Variants in CTNND2 observed in about 807,000 individuals in gnomAD.
CTNND2 encodes catenin delta 2, also known as catenin delta-2.
In CTNND2, 22 loss-of-function variants were observed where a neutral mutation model predicts 144.4. That is an observed-to-expected ratio of 0.15 (90% CI 0.11 to 0.22). The LOEUF is 0.22. Among genes scored for constraint, CTNND2 ranks in the 10% least tolerant of loss-of-function variants. The pLI, the probability that CTNND2 is intolerant of heterozygous loss-of-function variation, is 1.00. For missense variants in CTNND2, 1,353 were observed against 1,618.8 expected, an observed-to-expected ratio of 0.84 and a Z score of 2.82; for synonymous variants, 751 against 695.6, an observed-to-expected ratio of 1.08 and a Z score of -1.25.
At position 11,525,242 on chromosome 5, in the gene CTNND2, T is replaced by C. The variant is rs199808016; in HGVS notation, c.287+39702A>G. ...CATCCTTAGCCCAACTCACAGCACT[T>C]AGAGCACAATGTGCTGAATTTTTAA... On this transcript the variant is annotated intron_variant, in intron 3 of 21. Transcript: ENST00000304623. 2.1e-4 allele frequency among the ~76,000 whole-genome samples: 32 copies of C among 152,254 alleles called. No individual in the cohort carries two copies. The East Asian group carries it at 6.0e-3, about 29-fold the overall frequency.
intron 15 of CTNND2, among the ~76,000 whole-genome samples, chr5:11,095,397 A>G (rs1751231618): frequency 6.6e-6 from 1 of 152,232 alleles, no homozygotes; most frequent in Admixed American, 6.5e-5. Context: ...AAGAATCAAA[A>G]TATCATAAAA....
At chr5:11,314,636 G>A (rs1019086832) in intron 9 of CTNND2, among the ~76,000 whole-genome samples, 1 of 152,180 alleles carries the variant, frequency 6.6e-6, no homozygotes, top group African/African-American at 2.4e-5. Context: ...AAGATTGCTG[G>A]GATTACTGGC....
At position 11,312,174 on chromosome 5, in the gene CTNND2, C is replaced by T. The variant is rs115799590; in HGVS notation, c.1628+34198G>A. 2.5e-3 allele frequency among the ~76,000 whole-genome samples: 365 copies of T among 147,262 alleles called. 7 individuals are homozygous for T. The highest frequency in any genetic ancestry group is 8.0e-3 in the African/African-American group (319 of 39,710). ...ACACACACTCCCCATACACCGTCAT[C>T]CCCCACACTCCCCATACTCACCCCA... On this transcript the variant is annotated intron_variant, in intron 9 of 21. Transcript: ENST00000304623.
chr5:11,108,472 A>G lies in CTNND2; in HGVS notation c.2463+2386T>C, dbSNP rs61754610. On this transcript the variant is annotated intron_variant, in intron 14 of 21. Transcript: ENST00000304623. ...TAACAAAGAGGTGAAAAAGAGCAAAAATATTTACTGTTAAATTGACTACAG... is the reference window on the plus strand; with the variant it reads ...TAACAAAGAGGTGAAAAAGAGCAAAGATATTTACTGTTAAATTGACTACAG... 2.4e-3 allele frequency among the ~76,000 whole-genome samples: 358 copies of G among 152,316 alleles called. 1 individual carries two copies. Among genetic ancestry groups the G allele is most frequent in the South Asian group, 3.5e-3 (17 of 4,814 alleles).
intron 9 of CTNND2, among the ~76,000 whole-genome samples, chr5:11,308,457 A>AAC (rs397972404): frequency 2.0e-5 from 3 of 150,996 alleles, no homozygotes; most frequent in African/African-American, 7.4e-5. Context: ...TACAAAAAAA[A>AAC]CAACAACAAC....
chr5:11,849,447 T>G (rs556655635), intron 1 of CTNND2, among the ~76,000 whole-genome samples: 1 of 152,292 alleles, frequency 6.6e-6, no homozygotes, highest in South Asian at 2.1e-4. Flanking sequence ...GCATTTTTAC[T>G]TATGAGAGTC....
chr5:11,831,932 T>C (rs915567062), intron 1 of CTNND2, among the ~76,000 whole-genome samples: 2 of 152,124 alleles, frequency 1.3e-5, no homozygotes, highest in Non-Finnish European at 2.9e-5. Context: ...AGATTTCATA[T>C]ATATGATGCA....
At chr5:11,248,930 A>C (rs1188856512) in intron 9 of CTNND2, among the ~76,000 whole-genome samples, 2 of 152,226 alleles carry the variant, frequency 1.3e-5, no homozygotes, top group Non-Finnish European at 2.9e-5. Context: ...ATGCCAACTT[A>C]ATTTATCTCA....
At chr5:11,863,712 T>C (rs1221421684) in intron 1 of CTNND2, among the ~76,000 whole-genome samples, 1 of 152,186 alleles carries the variant, frequency 6.6e-6, no homozygotes, top group Non-Finnish European at 1.5e-5. Flanking sequence ...TCTATCAAAG[T>C]ACCACTTCTG....
At chr5:11,755,541 A>C (rs1321948581) in intron 1 of CTNND2, among the ~76,000 whole-genome samples, 2 of 151,528 alleles carry the variant, frequency 1.3e-5, no homozygotes, top group Non-Finnish European at 3.0e-5. Flanking sequence ...ATGTTTTCCA[A>C]GTTGCTTGCT....
At chr5:11,226,984 C>T (rs1740427717) in intron 10 of CTNND2, among the ~76,000 whole-genome samples, 1 of 152,100 alleles carries the variant, frequency 6.6e-6, no homozygotes, top group African/African-American at 2.4e-5. Flanking sequence ...GTGCAGATGG[C>T]TTTTTGATTC....
intron 10 of CTNND2, among the ~76,000 whole-genome samples, chr5:11,217,662 C>T (rs1739335064): frequency 6.6e-6 from 1 of 152,076 alleles, no homozygotes; most frequent in Admixed American, 6.6e-5. Context: ...TGAAATTTTC[C>T]AGGGTCTAAC....
chr5:11,407,224 T>C (rs73742832), intron 5 of CTNND2, among the ~76,000 whole-genome samples: 2,114 of 152,322 alleles, frequency 0.014, 56 homozygotes, highest in African/African-American at 0.048. Flanking sequence ...TTTATTGTTT[T>C]GTTTTGTTCC....
At chr5:11,566,973 C>A (rs1479751310) in intron 2 of CTNND2, among the ~76,000 whole-genome samples, 1 of 152,134 alleles carries the variant, frequency 6.6e-6, no homozygotes, top group Non-Finnish European at 1.5e-5. Context: ...TGGTGCAGTT[C>A]TTTGGGTAAA....
intron 5 of CTNND2, among the ~76,000 whole-genome samples, chr5:11,401,276 G>A (rs1299451105): frequency 6.6e-6 from 1 of 152,290 alleles, no homozygotes. Flanking sequence ...ATGTGCACTT[G>A]TTCTGTTTAC....
chr5:11,569,487 A>G (rs1777388853), intron 2 of CTNND2, among the ~76,000 whole-genome samples: 1 of 152,184 alleles, frequency 6.6e-6, no homozygotes, highest in Non-Finnish European at 1.5e-5. Flanking sequence ...GCCTAAATTA[A>G]TGATTTATTT....
intron 1 of CTNND2, among the ~76,000 whole-genome samples, chr5:11,773,483 T>C (rs1390482143): frequency 6.6e-6 from 1 of 152,220 alleles, no homozygotes; most frequent in Non-Finnish European, 1.5e-5. Context: ...ACTTATTTTT[T>C]CTTTACAAGT....
intron 3 of CTNND2, among the ~76,000 whole-genome samples, chr5:11,479,296 A>G (rs1768027241): frequency 6.6e-6 from 1 of 152,198 alleles, no homozygotes; most frequent in Non-Finnish European, 1.5e-5. Context: ...GATGGTCTAC[A>G]GCTCCATCCA....
At chr5:11,378,501 C>T (rs1201114188) in intron 7 of CTNND2, among the ~76,000 whole-genome samples, 2 of 152,186 alleles carry the variant, frequency 1.3e-5, no homozygotes, top group Non-Finnish European at 2.9e-5. Flanking sequence ...AGTAAATGTA[C>T]ACTGGAATTT....
Sources: allele counts gnomAD v4.1 joint callset (sites outside exome capture counted in the v4.1 genomes callset), GRCh38; gene constraint gnomAD v4.1.1; transcripts MANE v1.5; gene names NCBI Gene and HGNC (gene_info 2026-07-23, HGNC 2026-07-21).